Variants in ZNF121 observed in about 807,000 individuals in gnomAD.
ZNF121 encodes zinc finger protein 121 (clone ZHC32).
Under a neutral mutation model 2.4 loss-of-function variants are expected in ZNF121, and 1 was observed. The observed-to-expected ratio is 0.41, with a 90% CI of 0.15 to 1.94. The LOEUF (loss-of-function observed/expected upper bound fraction) is 1.94, where lower values mean the gene tolerates loss of function less well. Among genes scored for constraint, ZNF121 ranks in the 30% most tolerant of loss-of-function variants. ZNF121 has a pLI of 0.30. For missense variants in ZNF121, 369 were observed against 466.3 expected (o/e 0.79, Z 1.92); for synonymous variants, 173 against 158.6 (o/e 1.09, Z -0.68).
In ZNF121 at chr19:9,577,222, T is replaced by C. The variant is rs563723548; in HGVS notation, c.-160+7239A>G. Among the ~76,000 whole-genome samples, 54 of 152,018 alleles carry C rather than the reference T, an allele frequency of 3.6e-4. No individual in the cohort carries two copies. In the South Asian group the frequency reaches 8.1e-3, roughly 23 times the overall value. On this transcript the variant is annotated intron_variant, in intron 1 of 3. Transcript: ENST00000320451. The stretch of plus-strand genomic sequence containing the variant: ...ACTTTGGGAGGCTGAGGCGGGTGGA[T>C]CACCTTAAGTTAGGAGTTTGAGACC...
chr19:9,572,883 G>A (rs1423510627), intron 1 of ZNF121, among the ~76,000 whole-genome samples: 5 of 152,148 alleles, frequency 3.3e-5, no homozygotes, highest in African/African-American at 7.2e-5. Flanking sequence ...GTAGCCAGGT[G>A]TGGTGGCGTG....
rs1441770811 is a variant in ZNF121 at position 9,576,426 on chromosome 19, T to C, written c.-159-7344A>G. On this transcript the variant is annotated intron_variant, in intron 1 of 3. Transcript: ENST00000320451. Reference sequence around the variant, plus strand: ...GCACACAGAAATTTGGAAATTAAAATATTTCTTGAAACAAATTAAAGTGAA... The same window carrying C: ...GCACACAGAAATTTGGAAATTAAAACATTTCTTGAAACAAATTAAAGTGAA... 2.6e-5 allele frequency among the ~76,000 whole-genome samples: 4 copies of C among 151,866 alleles called. No homozygotes were observed. In the East Asian group the frequency reaches 7.7e-4, roughly 29 times the overall value.
chr19:9,566,863 C>T lies in ZNF121; in HGVS notation c.250G>A (p.Gly84Arg). The T allele has an allele frequency of 6.2e-7, 1 of 1,614,206 alleles. No homozygotes were observed. The highest frequency in any genetic ancestry group is 2.2e-5 in the East Asian group (1 of 44,880). ...PPNVHQRTWI[G>R]DKSFEYSDCE... is the part of the protein sequence containing the mutation. The stretch of plus-strand genomic sequence containing the variant: ...TCACTGTATTCAAAGGATTTGTCTC[C>T]TATCCACGTTCTCTGGTGAACATTT... The change falls in exon 4 of 4, where the codon GGA becomes AGA. Residue 84 changes from glycine to arginine, a missense_variant. By Grantham distance (125) the Gly-to-Arg change is moderately radical. Transcript: ENST00000320451.
chr19:9,583,416 C>T (rs946978011), intron 1 of ZNF121, among the ~76,000 whole-genome samples: 9 of 147,006 alleles, frequency 6.1e-5, no homozygotes, highest in Middle Eastern at 3.4e-3. Context: ...ACCTCGGCCT[C>T]TCAGGTTCAA....
In ZNF121 at chr19:9,582,175, G is replaced by A. The variant is rs7257616; in HGVS notation, c.-160+2286C>T. Among the ~76,000 whole-genome samples the A allele has an allele frequency of 7.0e-3, 1,070 of 152,262 alleles. 12 individuals are homozygous for A. The highest frequency in any genetic ancestry group is 0.024 in the African/African-American group (984 of 41,532). On this transcript the variant is annotated intron_variant, in intron 1 of 3. Coordinates refer to ENST00000320451, the MANE Select transcript of ZNF121 (RefSeq NM_001008727.5). ...CAAAAAAAAATTAGCTGGGCATGGC[G>A]GCATGTGCCTGTGTCCCAGCTACTA...
At position 9,566,126 on chromosome 19, in the gene ZNF121, T is replaced by C. The variant is rs1254717902; in HGVS notation, c.987A>G (p.Glu329=). 1 of 1,614,104 alleles carries C rather than the reference T, an allele frequency of 6.2e-7. No homozygotes were observed. Among genetic ancestry groups the C allele is most frequent in the Non-Finnish European group, 8.5e-7 (1 of 1,180,006 alleles). ...TCTCTCCAGTGTGAGTTCTTATATG[T>C]TCAATGAGTTGTGAAGATGTAGCAA... is the stretch of plus-strand genomic sequence containing the variant. ...KAFATSSQLI[E]HIRTHTGEKP... is the part of the protein sequence containing the mutation. The change falls in exon 4 of 4, where the codon GAA becomes GAG. Residue 329 remains glutamate, a synonymous_variant. Transcript: ENST00000320451.
chr19:9,580,685 C>T (rs78319945), intron 1 of ZNF121, among the ~76,000 whole-genome samples: 2,971 of 152,300 alleles, frequency 0.02, 104 homozygotes, highest in African/African-American at 0.068. Context: ...CTGCAGGCTT[C>T]CCAAGCACTT....
chr19:9,560,459 C>CT lies in ZNF121; in HGVS notation c.*5480dup, dbSNP rs2074094950. ...AACAAATCTCAAAAAGCTTTTCCAT[C>CT]TTGCGTGGCTGACACTCAATACCCA... On this transcript the variant is annotated 3_prime_UTR_variant, in exon 4 of 4. Coordinates refer to ENST00000320451, the MANE Select transcript of ZNF121 (RefSeq NM_001008727.5). 1 of 152,194 alleles carries CT rather than the reference C, an allele frequency of 6.6e-6. No homozygotes were observed. Among genetic ancestry groups the CT allele is most frequent in the African/African-American group, 2.4e-5 (1 of 41,450 alleles). The allele number at this position is 152,194 out of a possible 1,614,324, so 9.4% of individuals were successfully genotyped here. A position where few individuals can be genotyped will look rare whatever the true frequency, so the allele number is the denominator to read the frequency against.
chr19:9,570,022 T>TGCC (rs2074162737), intron 1 of ZNF121, among the ~76,000 whole-genome samples: 1 of 151,690 alleles, frequency 6.6e-6, no homozygotes, highest in Admixed American at 6.6e-5. Context: ...CTACAACCTC[T>TGCC]GCCGCCGCCC....
intron 1 of ZNF121, among the ~76,000 whole-genome samples, chr19:9,574,394 T>C (rs1038283368): frequency 4.6e-5 from 7 of 152,124 alleles, no homozygotes; most frequent in African/African-American, 1.7e-4. Flanking sequence ...GATCCCGTGA[T>C]CTGCCCGCCT....
rs189528746 is a variant in ZNF121 at position 9,560,341 on chromosome 19, A to T, written c.*5599T>A. 3 of 152,354 alleles carry T rather than the reference A, an allele frequency of 2.0e-5. No individual in the cohort carries two copies. Among genetic ancestry groups the T allele is most frequent in the East Asian group, 3.9e-4 (2 of 5,192 alleles). The allele number at this position is 152,354 out of a possible 1,614,324, so 9.4% of individuals were successfully genotyped here. A position where few individuals can be genotyped will look rare whatever the true frequency, so the allele number is the denominator to read the frequency against. On this transcript the variant is annotated 3_prime_UTR_variant, in exon 4 of 4. Coordinates refer to ENST00000320451, the MANE Select transcript of ZNF121 (RefSeq NM_001008727.5). Reference sequence around the variant, plus strand: ...TGACCCAAGTAACTTCTTTTATTACAATTTTTATTGTGATAAAAACACATA... The same window carrying T: ...TGACCCAAGTAACTTCTTTTATTACTATTTTTATTGTGATAAAAACACATA...
intron 1 of ZNF121, among the ~76,000 whole-genome samples, chr19:9,583,445 C>A (rs2074262539): frequency 6.7e-6 from 1 of 148,672 alleles, no homozygotes; most frequent in Admixed American, 6.6e-5. Flanking sequence ...CCTGCCTCAG[C>A]CTCCCAAGTA....
chr19:9,576,806 C>A (rs569841082), intron 1 of ZNF121, among the ~76,000 whole-genome samples: 1 of 152,056 alleles, frequency 6.6e-6, no homozygotes, highest in East Asian at 1.9e-4. Context: ...GAAATACAAC[C>A]AATCATTAGA....
In ZNF121 at chr19:9,583,753, C is replaced by T. The variant is rs186692393; in HGVS notation, c.-160+708G>A. On this transcript the variant is annotated intron_variant, in intron 1 of 3. Coordinates refer to ENST00000320451, the MANE Select transcript of ZNF121 (RefSeq NM_001008727.5). ...CTCCTGACCTCAGGTGATCTGCCCG[C>T]CTCGACCTCCCAAATGGCTGGGACT... Among the ~76,000 whole-genome samples the T allele has an allele frequency of 3.6e-3, 544 of 152,250 alleles. 3 individuals carry two copies. The highest frequency in any genetic ancestry group is 5.8e-3 in the Non-Finnish European group (397 of 68,012).
chr19:9,576,391 T>C (rs1044122634), intron 1 of ZNF121, among the ~76,000 whole-genome samples: 7 of 151,792 alleles, frequency 4.6e-5, no homozygotes, highest in African/African-American at 1.7e-4. Context: ...TCAAAATCCA[T>C]GGTACAAAAG....
At chr19:9,570,861 G>A (rs917958493) in intron 1 of ZNF121, among the ~76,000 whole-genome samples, 3 of 152,176 alleles carry the variant, frequency 2.0e-5, no homozygotes, top group Non-Finnish European at 2.9e-5. Flanking sequence ...GATTACAGGC[G>A]TGAGCCACCG....
At chr19:9,582,378 T>C (rs995164630) in intron 1 of ZNF121, among the ~76,000 whole-genome samples, 5 of 152,178 alleles carry the variant, frequency 3.3e-5, no homozygotes, top group African/African-American at 9.7e-5. Flanking sequence ...AACTGATCAA[T>C]TGACCTTGTG....
chr19:9,566,860 C>T lies in ZNF121; in HGVS notation c.253G>A (p.Asp85Asn), dbSNP rs769018834. Residue 85 changes from aspartate (D) to asparagine (N), a missense_variant, in exon 4 of 4, where the codon GAC becomes AAC. Asp to Asn is a conservative substitution (Grantham distance 23, BLOSUM62 1). Around this residue, in one of 4 missense-constraint regions of ZNF121, gnomAD observed 168 missense variants for 162.3 expected, o/e 1.03. Transcript: ENST00000320451. ...CAGTCACTGTATTCAAAGGATTTGTCTCCTATCCACGTTCTCTGGTGAACA... is the reference window on the plus strand; with the variant it reads ...CAGTCACTGTATTCAAAGGATTTGTTTCCTATCCACGTTCTCTGGTGAACA... ...PNVHQRTWIG[D>N]KSFEYSDCEE... 1.9e-6 allele frequency: 3 copies of T among 1,614,178 alleles called. No homozygotes were observed. The highest frequency in any genetic ancestry group is 2.5e-6 in the Non-Finnish European group (3 of 1,180,038).
intron 1 of ZNF121, 26 bp from the exon 2 acceptor site, chr19:9,569,108 T>C (rs956160442): frequency 3.9e-5 from 6 of 153,090 alleles, no homozygotes; most frequent in African/African-American, 1.4e-4. Context: ...GATACATCAA[T>C]GGAAGAGGCT....
Sources: allele counts gnomAD v4.1 joint callset (sites outside exome capture counted in the v4.1 genomes callset), GRCh38; gene constraint gnomAD v4.1.1; regional missense constraint gnomAD v4.1.1; transcripts MANE v1.5; gene names NCBI Gene and HGNC (gene_info 2026-07-23, HGNC 2026-07-21).